IMMP2L: variants seen among roughly 807,000 people sequenced by gnomAD.
IMMP2L encodes inner mitochondrial membrane peptidase subunit 2, also known as mitochondrial inner membrane protease subunit 2.
A neutral mutation model predicts 19.3 loss-of-function variants in IMMP2L; 18 were observed. The observed-to-expected ratio is 0.93, with a 90% CI of 0.64 to 1.38. The LOEUF (loss-of-function observed/expected upper bound fraction) is 1.38. Ranked by LOEUF, IMMP2L falls within the 40% of genes most tolerant of loss-of-function variation. The pLI, the probability that IMMP2L is intolerant of heterozygous loss-of-function variation, is 0.00. For synonymous variants in IMMP2L, 76 were observed against 73.0 expected (o/e 1.04, Z -0.21); for missense variants, 233 against 218.2 (o/e 1.07, Z -0.43).
intron 4 of IMMP2L, among the ~76,000 whole-genome samples, chr7:110,957,337 T>G (rs1818453923): frequency 1.3e-5 from 2 of 151,964 alleles, no homozygotes; most frequent in Non-Finnish European, 2.9e-5. Context: ...TAACTATTTT[T>G]ATCTGAGTCA....
intron 1 of IMMP2L, among the ~76,000 whole-genome samples, chr7:111,552,345 G>A (rs1057507664): frequency 5.9e-5 from 9 of 151,954 alleles, no homozygotes; most frequent in South Asian, 4.2e-4. Flanking sequence ...TGGAGTGCAC[G>A]GGCACAATCT....
At chr7:111,349,846 G>A (rs760924957) in intron 3 of IMMP2L, among the ~76,000 whole-genome samples, 93 of 152,128 alleles carry the variant, frequency 6.1e-4, no homozygotes, top group Admixed American at 1.3e-3. Flanking sequence ...CCCTCTCCCT[G>A]TTCTAGTCAA....
intron 3 of IMMP2L, among the ~76,000 whole-genome samples, chr7:111,172,412 T>G: frequency 6.6e-6 from 1 of 151,744 alleles, no homozygotes; most frequent in Middle Eastern, 3.4e-3. Context: ...TGTTACATTT[T>G]CATACATGTA....
chr7:111,526,280 T>G (rs1161530447), intron 1 of IMMP2L, among the ~76,000 whole-genome samples: 1 of 152,182 alleles, frequency 6.6e-6, no homozygotes, highest in Non-Finnish European at 1.5e-5. Context: ...TACATTTATA[T>G]GTGCACATAA....
intron 3 of IMMP2L, among the ~76,000 whole-genome samples, chr7:111,475,465 A>C (rs1563239349): frequency 6.6e-6 from 1 of 152,100 alleles, no homozygotes. Flanking sequence ...CCTTGGATCA[A>C]ATAAGGTTAT....
intron 3 of IMMP2L, among the ~76,000 whole-genome samples, chr7:111,475,324 T>C (rs1439933502): frequency 6.6e-6 from 1 of 152,120 alleles, no homozygotes; most frequent in Non-Finnish European, 1.5e-5. Context: ...TAAAATTTGG[T>C]GGGTGTCGTT....
At chr7:111,446,088 G>A (rs1838364537) in intron 3 of IMMP2L, among the ~76,000 whole-genome samples, 1 of 151,156 alleles carries the variant, frequency 6.6e-6, no homozygotes, top group African/African-American at 2.4e-5. Context: ...TGCTAGCACA[G>A]CAGTCTGAGA....
At chr7:111,296,681 C>G (rs750957465) in intron 3 of IMMP2L, among the ~76,000 whole-genome samples, 14 of 151,846 alleles carry the variant, frequency 9.2e-5, no homozygotes, top group Non-Finnish European at 1.9e-4. Flanking sequence ...ACTCACAATA[C>G]TAGGCATTTA....
At chr7:110,952,905 G>A (rs1223187280) in intron 4 of IMMP2L, among the ~76,000 whole-genome samples, 1 of 151,902 alleles carries the variant, frequency 6.6e-6, no homozygotes, top group Admixed American at 6.6e-5. Flanking sequence ...CTGTACATTT[G>A]TCTAGATCAC....
At chr7:111,354,098 A>T (rs1171551271) in intron 3 of IMMP2L, among the ~76,000 whole-genome samples, 3 of 152,002 alleles carry the variant, frequency 2.0e-5, no homozygotes, top group Non-Finnish European at 4.4e-5. Flanking sequence ...GGACAGAATA[A>T]CTCTGATACC....
intron 4 of IMMP2L, among the ~76,000 whole-genome samples, chr7:110,913,797 G>C (rs1813301343): frequency 1.3e-5 from 2 of 151,990 alleles, no homozygotes; most frequent in Admixed American, 1.3e-4. Context: ...TTTAACGTTA[G>C]GAAACAAAAA....
At chr7:111,350,968 C>T (rs1362726543) in intron 3 of IMMP2L, among the ~76,000 whole-genome samples, 2 of 152,068 alleles carry the variant, frequency 1.3e-5, no homozygotes, top group Non-Finnish European at 2.9e-5. Flanking sequence ...AGATGGCCAA[C>T]TATTACACAG....
intron 5 of IMMP2L, among the ~76,000 whole-genome samples, chr7:110,702,713 G>T (rs1269024045): frequency 5.3e-5 from 8 of 151,898 alleles, no homozygotes; most frequent in Non-Finnish European, 1.0e-4. Flanking sequence ...ATTTTCAATT[G>T]TTTATTGCTA....
At chr7:110,962,956 A>T (rs17158195) in intron 4 of IMMP2L, 89,652 of 1,441,484 alleles carry the variant, frequency 0.062, 5,225 homozygotes, top group African/African-American at 0.29. Flanking sequence ...TTGATTTATC[A>T]GCAAGTACAA....
chr7:110,960,537 T>C (rs2109862), intron 4 of IMMP2L, among the ~76,000 whole-genome samples: 19,172 of 151,940 alleles, frequency 0.13, 2,190 homozygotes, highest in African/African-American at 0.3. Flanking sequence ...GGGATTTGCA[T>C]CGTATCTATA....
At chr7:111,463,298 C>A (rs1258873199) in intron 3 of IMMP2L, among the ~76,000 whole-genome samples, 2 of 152,054 alleles carry the variant, frequency 1.3e-5, no homozygotes, top group Non-Finnish European at 2.9e-5. Flanking sequence ...AGACCCAGAT[C>A]TTCAACTTTT....
intron 3 of IMMP2L, among the ~76,000 whole-genome samples, chr7:111,107,678 T>G (rs1055970389): frequency 2.6e-5 from 4 of 152,122 alleles, no homozygotes; most frequent in Admixed American, 6.6e-5. Flanking sequence ...AATAGATGCG[T>G]TTCATGCTCT....
chr7:111,122,431 C>T, intron 3 of IMMP2L: 1 of 191,688 alleles, frequency 5.2e-6, no homozygotes, highest in Non-Finnish European at 1.1e-5. Flanking sequence ...GCTGCTATTC[C>T]TGCAAATACT....
At chr7:110,817,081 G>T (rs1802591125) in intron 5 of IMMP2L, among the ~76,000 whole-genome samples, 1 of 151,584 alleles carries the variant, frequency 6.6e-6, no homozygotes, top group Non-Finnish European at 1.5e-5. Context: ...TTACATTTTG[G>T]ATTCAACATA....
Sources: allele counts gnomAD v4.1 joint callset (sites outside exome capture counted in the v4.1 genomes callset), GRCh38; gene constraint gnomAD v4.1.1; transcripts MANE v1.5; gene names NCBI Gene and HGNC (gene_info 2026-07-23, HGNC 2026-07-21).